The following RANBP3 variants were observed in gnomAD, a reference collection of about 807,000 sequenced individuals.
RANBP3 encodes the protein ran-binding protein 3.
A neutral mutation model predicts 77.3 loss-of-function variants in RANBP3; 14 were observed. The observed-to-expected ratio is 0.18, with a 90% confidence interval of 0.12 to 0.28. RANBP3 has a LOEUF of 0.28. RANBP3 is among the 10% of genes least tolerant of loss of function. RANBP3 has a pLI of 1.00. For missense variants in RANBP3, 586 were observed against 752.3 expected, an observed-to-expected ratio of 0.78 and a Z score of 2.59; for synonymous variants, 315 against 312.4, an observed-to-expected ratio of 1.01 and a Z score of -0.09.
At chr19:5,942,111 G>C (rs925921324) in intron 3 of RANBP3, among the ~76,000 whole-genome samples, 4 of 152,142 alleles carry the variant, frequency 2.6e-5, no homozygotes, top group Non-Finnish European at 5.9e-5. Context: ...CACAGGTTAC[G>C]CTAACTGGCC....
At chr19:5,967,372 C>T (rs2058480237) in intron 1 of RANBP3, among the ~76,000 whole-genome samples, 2 of 152,216 alleles carry the variant, frequency 1.3e-5, no homozygotes, top group Admixed American at 1.3e-4. Context: ...TACCGAACTC[C>T]AAGCCAACTT....
chr19:5,946,030 C>A (rs1267991636), intron 3 of RANBP3, among the ~76,000 whole-genome samples: 1 of 152,074 alleles, frequency 6.6e-6, no homozygotes, highest in African/African-American at 2.4e-5. Context: ...GGCCATGTGG[C>A]CTCCTGTTTT....
chr19:5,940,391 TAAATTA>T (rs779922789), intron 5 of RANBP3, among the ~76,000 whole-genome samples: 22 of 152,194 alleles, frequency 1.4e-4, no homozygotes, highest in Middle Eastern at 3.4e-3. Flanking sequence ...CAAAGATCCT[TAAATTA>T]AAAGGATGCC....
At chr19:5,937,478 G>A (rs1037143368) in intron 5 of RANBP3, among the ~76,000 whole-genome samples, 6 of 152,320 alleles carry the variant, frequency 3.9e-5, no homozygotes, top group African/African-American at 1.4e-4. Flanking sequence ...ACCTGTTCCC[G>A]ATAAAAGTGG....
Position 5,932,527 on chromosome 19 carries a change from G to A in RANBP3, c.490C>T (p.Pro164Ser). Residue 164 changes from proline to serine, a missense_variant, in exon 7 of 17, where the codon CCC (proline) becomes TCC (serine). Pro to Ser is a moderately conservative substitution (Grantham distance 74). Around this residue, in one of 5 missense-constraint regions of RANBP3, gnomAD observed 232 missense variants for 271.7 expected, o/e 0.85. Coordinates refer to ENST00000340578, the MANE Select transcript of RANBP3 (RefSeq NM_007322.3). ...AGCACGCTCCGCTGCTGCTCCTTGG[G>A]CTTCTGGCTTGGCAGACCTAGGAAC... is the stretch of plus-strand genomic sequence containing the variant. ...APSAGLPSQKPKEQQRSVLRP... is the reference protein window; with the variant it reads ...APSAGLPSQKSKEQQRSVLRP... 6.2e-7 allele frequency: 1 copy of A among 1,613,722 alleles called. No individual in the cohort carries two copies. Among genetic ancestry groups the A allele is most frequent in the South Asian group, 1.1e-5 (1 of 91,082 alleles).
At chr19:5,953,674 A>G (rs764904299) in intron 2 of RANBP3, among the ~76,000 whole-genome samples, 6 of 152,214 alleles carry the variant, frequency 3.9e-5, no homozygotes, top group Non-Finnish European at 7.3e-5. Context: ...TTCACATTAA[A>G]AAGAAAAAGA....
chr19:5,938,033 C>A (rs995590526), intron 5 of RANBP3, among the ~76,000 whole-genome samples: 1 of 152,170 alleles, frequency 6.6e-6, no homozygotes, highest in Non-Finnish European at 1.5e-5. Flanking sequence ...AAACACCAAG[C>A]CCCTCTGCAG....
intron 3 of RANBP3, among the ~76,000 whole-genome samples, chr19:5,944,963 T>C (rs1467070178): frequency 6.6e-6 from 1 of 152,200 alleles, no homozygotes; most frequent in Non-Finnish European, 1.5e-5. Flanking sequence ...CCATACCCTC[T>C]CTGGCCTCTG....
At chr19:5,931,657 G>A (rs975453268) in intron 7 of RANBP3, 126 bp from the exon 8 acceptor site, 23 of 1,002,688 alleles carry the variant, frequency 2.3e-5, no homozygotes, top group Non-Finnish European at 9.6e-6. Flanking sequence ...CACAGCACAT[G>A]TCTCCTTTTT....
At chr19:5,974,283 C>T (rs949871440) in intron 1 of RANBP3, 3 of 152,228 alleles carry the variant, frequency 2.0e-5, no homozygotes, top group Non-Finnish European at 2.9e-5. Flanking sequence ...GTCCACAGGC[C>T]AACAGGGCCT....
At chr19:5,932,823 A>T in intron 6 of RANBP3, 1 of 467,546 alleles carries the variant, frequency 2.1e-6, no homozygotes, top group Admixed American at 3.9e-5. Flanking sequence ...CTCAACAGTC[A>T]AGTGGAGACT....
intron 5 of RANBP3, among the ~76,000 whole-genome samples, chr19:5,940,532 C>T (rs1044272545): frequency 1.3e-5 from 2 of 152,180 alleles, no homozygotes; most frequent in African/African-American, 2.4e-5. Flanking sequence ...CCAAAACCAA[C>T]GTGATGGGAA....
chr19:5,974,062 ACTT>A (rs1306432204), intron 1 of RANBP3, among the ~76,000 whole-genome samples: 6 of 151,738 alleles, frequency 4.0e-5, no homozygotes, highest in Non-Finnish European at 7.4e-5. Flanking sequence ...GTGTCAGGAG[ACTT>A]CTTCTGTTGT....
At chr19:5,917,710 C>T (rs2057759187) in intron 16 of RANBP3, 57 bp from the exon 17 acceptor site, 1 of 1,588,712 alleles carries the variant, frequency 6.3e-7, no homozygotes, top group African/African-American at 1.3e-5. Flanking sequence ...CAGGTCTGGC[C>T]ACCCCCGCCA....
intron 1 of RANBP3, chr19:5,962,709 C>T (rs1429187742): frequency 2.2e-6 from 1 of 456,046 alleles, no homozygotes; most frequent in Admixed American, 2.3e-5. Flanking sequence ...GTCACATCTG[C>T]ACCCAAAACA....
At chr19:5,953,768 G>A (rs8102935) in intron 2 of RANBP3, among the ~76,000 whole-genome samples, 2 of 152,180 alleles carry the variant, frequency 1.3e-5, no homozygotes, top group African/African-American at 4.8e-5. Flanking sequence ...AAACGCAGGC[G>A]TTTCGATGAG....
intron 8 of RANBP3, 88 bp from the exon 9 acceptor site, chr19:5,928,175 G>C: frequency 3.4e-6 from 5 of 1,450,746 alleles, no homozygotes; most frequent in Non-Finnish European, 4.6e-6. Flanking sequence ...ACCAGATCAT[G>C]TACTCCACAC....
intron 5 of RANBP3, among the ~76,000 whole-genome samples, chr19:5,936,531 C>T (rs2058067159): frequency 6.6e-6 from 1 of 152,244 alleles, no homozygotes; most frequent in African/African-American, 2.4e-5. Flanking sequence ...AGTGAGATCG[C>T]AGTACCGCAC....
intron 9 of RANBP3, among the ~76,000 whole-genome samples, chr19:5,926,034 T>C (rs1445249302): frequency 2.6e-5 from 4 of 152,186 alleles, no homozygotes; most frequent in Non-Finnish European, 5.9e-5. Flanking sequence ...GGCCTCTCGG[T>C]CAATGCTTCA....
Sources: gnomAD v4.1 joint callset for allele counts (sites outside exome capture counted in the v4.1 genomes callset) on GRCh38, gnomAD v4.1.1 for gene constraint, gnomAD v4.1.1 regional missense constraint, MANE v1.5 for transcripts, NCBI Gene and HGNC (gene_info 2026-07-23, HGNC 2026-07-21) for gene names.